Variants in ZFAND3 observed in about 807,000 individuals in gnomAD.
ZFAND3 encodes the protein zinc finger AN1-type containing 3, also known as AN1-type zinc finger protein 3.
In ZFAND3, 10 loss-of-function variants were observed where a neutral mutation model predicts 29.6. The observed-to-expected ratio is 0.34, with a 90% CI of 0.21 to 0.57. The LOEUF is 0.57. Ranked by LOEUF, ZFAND3 falls within the 20% of genes least tolerant of loss-of-function variation. The pLI is 0.86. For missense variants in ZFAND3, 230 were observed against 304.5 expected, an observed-to-expected ratio of 0.76 and a Z score of 1.82; for synonymous variants, 128 against 112.6, an observed-to-expected ratio of 1.14 and a Z score of -0.87.
chr6:38,116,115 A>G (rs1032663858), intron 4 of ZFAND3, among the ~76,000 whole-genome samples: 6 of 152,248 alleles, frequency 3.9e-5, no homozygotes, highest in African/African-American at 1.4e-4. Context: ...GTGAAAGCAT[A>G]GTGATACAGA....
At chr6:37,832,356 T>C (rs1214783174) in intron 1 of ZFAND3, among the ~76,000 whole-genome samples, 1 of 152,066 alleles carries the variant, frequency 6.6e-6, no homozygotes, top group Non-Finnish European at 1.5e-5. Flanking sequence ...TTGCGGTGGG[T>C]GTAGAAGTTC....
chr6:37,994,416 C>G (rs1271034362), intron 2 of ZFAND3, among the ~76,000 whole-genome samples: 1 of 152,212 alleles, frequency 6.6e-6, no homozygotes, highest in African/African-American at 2.4e-5. Flanking sequence ...TAAGTGTCCA[C>G]TTCTTTGATA....
intron 1 of ZFAND3, among the ~76,000 whole-genome samples, chr6:37,821,049 T>G (rs1282393774): frequency 1.3e-5 from 2 of 152,194 alleles, no homozygotes; most frequent in Non-Finnish European, 2.9e-5. Context: ...TTTTGAGAGA[T>G]TCCGTATATT....
intron 1 of ZFAND3, among the ~76,000 whole-genome samples, chr6:37,910,790 A>G (rs185508681): frequency 2.2e-4 from 34 of 152,318 alleles, no homozygotes; most frequent in Non-Finnish European, 4.1e-4. Flanking sequence ...AAATGAGATC[A>G]TGTGGTATTT....
intron 2 of ZFAND3, among the ~76,000 whole-genome samples, chr6:38,057,928 T>A (rs1764161771): frequency 6.6e-6 from 1 of 152,190 alleles, no homozygotes; most frequent in East Asian, 1.9e-4. Context: ...GTTAGCCAAA[T>A]GATGTTATGA....
At chr6:38,068,457 A>C (rs1764387647) in intron 3 of ZFAND3, among the ~76,000 whole-genome samples, 1 of 152,182 alleles carries the variant, frequency 6.6e-6, no homozygotes, top group Admixed American at 6.5e-5. Flanking sequence ...TTACAGAAAA[A>C]GTTTGCAAAA....
chr6:38,030,968 C>T (rs1447052805), intron 2 of ZFAND3, among the ~76,000 whole-genome samples: 1 of 152,058 alleles, frequency 6.6e-6, no homozygotes, highest in African/African-American at 2.4e-5. Flanking sequence ...GGAAAGAGGG[C>T]AATAAATGGT....
chr6:37,830,694 A>G (rs954164597), intron 1 of ZFAND3, among the ~76,000 whole-genome samples: 6 of 152,168 alleles, frequency 3.9e-5, no homozygotes, highest in African/African-American at 1.4e-4. Flanking sequence ...TCTTTTATTG[A>G]TATTGCCACA....
intron 2 of ZFAND3, among the ~76,000 whole-genome samples, chr6:37,988,237 CA>C (rs1254902625): frequency 5.9e-5 from 9 of 152,174 alleles, no homozygotes; most frequent in African/African-American, 1.9e-4. Context: ...GCTTTTTCCT[CA>C]CAACTGTGGA....
intron 1 of ZFAND3, among the ~76,000 whole-genome samples, chr6:37,852,785 G>A (rs1293461179): frequency 2.0e-5 from 3 of 149,844 alleles, no homozygotes; most frequent in Non-Finnish European, 4.4e-5. Context: ...GCATGATCTC[G>A]GCTCACTGCA....
chr6:37,945,489 C>T (rs959739894), intron 2 of ZFAND3, among the ~76,000 whole-genome samples: 1 of 152,094 alleles, frequency 6.6e-6, no homozygotes, highest in African/African-American at 2.4e-5. Context: ...TCTGCCTCTC[C>T]GGTTCAAACA....
intron 2 of ZFAND3, among the ~76,000 whole-genome samples, chr6:37,931,885 A>G (rs973115127): frequency 6.6e-6 from 1 of 152,196 alleles, no homozygotes; most frequent in African/African-American, 2.4e-5. Context: ...TAGGTTCAAA[A>G]TTTGGAATTT....
At chr6:37,955,585 G>T (rs1179686697) in intron 2 of ZFAND3, among the ~76,000 whole-genome samples, 1 of 152,224 alleles carries the variant, frequency 6.6e-6, no homozygotes, top group African/African-American at 2.4e-5. Context: ...GGCTGCAAGT[G>T]CCAAAGTAGT....
At chr6:37,826,597 T>C (rs1763764881) in intron 1 of ZFAND3, among the ~76,000 whole-genome samples, 2 of 151,718 alleles carry the variant, frequency 1.3e-5, no homozygotes, top group Non-Finnish European at 2.9e-5. Flanking sequence ...GTACCAAAAA[T>C]AAAAAAATTA....
intron 3 of ZFAND3, among the ~76,000 whole-genome samples, chr6:38,075,021 T>C (rs1019673110): frequency 6.6e-6 from 1 of 152,216 alleles, no homozygotes; most frequent in African/African-American, 2.4e-5. Flanking sequence ...TTCAAAATAT[T>C]ATTGTTCATT....
chr6:38,130,316 C>G (rs9470787), intron 5 of ZFAND3, among the ~76,000 whole-genome samples: 4,971 of 152,250 alleles, frequency 0.033, 222 homozygotes, highest in African/African-American at 0.096. Context: ...TTTCTCTTGT[C>G]TGATTGCTCT....
At chr6:37,948,198 T>G (rs1761935040) in intron 2 of ZFAND3, among the ~76,000 whole-genome samples, 1 of 152,240 alleles carries the variant, frequency 6.6e-6, no homozygotes, top group South Asian at 2.1e-4. Flanking sequence ...GATAGTGAAA[T>G]ATCTGAATAC....
At chr6:37,908,560 G>GAAAAAAAAAAAAAAAAAA (rs1186708777) in intron 1 of ZFAND3, among the ~76,000 whole-genome samples, 1 of 111,814 alleles carries the variant, frequency 8.9e-6, no homozygotes, top group Non-Finnish European at 2.0e-5. Context: ...AAAAAAAAAA[G>GAAAAAAAAAAAAAAAAAA]AAAAAAAAGA....
intron 2 of ZFAND3, among the ~76,000 whole-genome samples, chr6:38,026,156 C>T (rs1251500781): frequency 6.6e-6 from 1 of 152,164 alleles, no homozygotes; most frequent in Non-Finnish European, 1.5e-5. Flanking sequence ...CAGCAAACCT[C>T]TTAATGTCTC....
Sources: gnomAD v4.1 joint callset for allele counts (sites outside exome capture counted in the v4.1 genomes callset) on GRCh38, gnomAD v4.1.1 for gene constraint, MANE v1.5 for transcripts, NCBI Gene and HGNC (gene_info 2026-07-23, HGNC 2026-07-21) for gene names.